The following SYNE2 variants were observed in gnomAD, a reference collection of about 807,000 sequenced individuals.
SYNE2 encodes spectrin repeat containing nuclear envelope protein 2, also known as nesprin-2.
SYNE2 carries 431 observed loss-of-function variants against 856.3 expected under a neutral mutation model. The observed-to-expected ratio is 0.50, with a 90% CI of 0.47 to 0.55. The LOEUF (loss-of-function observed/expected upper bound fraction) is 0.55, where lower values mean the gene tolerates loss of function less well. Among genes scored for constraint, SYNE2 ranks in the 20% least tolerant of loss-of-function variants. The pLI is 0.00. For missense variants in SYNE2, 8,129 were observed against 8,023.2 expected (o/e 1.01, Z -0.50); for synonymous variants, 2,923 against 2,872.3 (o/e 1.02, Z -0.56).
At chr14:64,018,499 C>A (rs1023300715) in intron 34 of SYNE2, among the ~76,000 whole-genome samples, 7 of 152,190 alleles carry the variant, frequency 4.6e-5, no homozygotes, top group Non-Finnish European at 5.9e-5. Flanking sequence ...ACCTCGGCCT[C>A]CCAAAATGCT....
chr14:64,063,915 T>C (rs1404641295), intron 50 of SYNE2, among the ~76,000 whole-genome samples: 1 of 152,212 alleles, frequency 6.6e-6, no homozygotes, highest in Non-Finnish European at 1.5e-5. Flanking sequence ...ATATAATTTT[T>C]TTCCTGTACA....
At chr14:63,948,822 A>ATATATATT (rs1266397695) in intron 6 of SYNE2, among the ~76,000 whole-genome samples, 1 of 128,016 alleles carries the variant, frequency 7.8e-6, no homozygotes, top group Non-Finnish European at 1.6e-5. Flanking sequence ...ATATATATAT[A>ATATATATT]TGTAGCTTAA....
chr14:64,079,451 G>A (rs940501782), intron 55 of SYNE2, among the ~76,000 whole-genome samples: 1 of 152,158 alleles, frequency 6.6e-6, no homozygotes, highest in Admixed American at 6.5e-5. Flanking sequence ...TCAGAGTATG[G>A]CTCACTATTG....
intron 1 of SYNE2, among the ~76,000 whole-genome samples, chr14:63,803,328 G>C (rs572556002): frequency 6.6e-6 from 1 of 152,192 alleles, no homozygotes; most frequent in Non-Finnish European, 1.5e-5. Flanking sequence ...GGTGCTAGTC[G>C]GGGAGGCTCG....
intron 41 of SYNE2, 42 bp downstream of exon 41, chr14:64,025,463 C>G (rs1209174784): frequency 6.3e-6 from 10 of 1,580,828 alleles, no homozygotes; most frequent in South Asian, 1.1e-5. Context: ...TGAGTGAACT[C>G]TAGTTTTGAA....
chr14:64,085,264 T>C (rs1487995141), intron 57 of SYNE2, among the ~76,000 whole-genome samples: 15 of 152,186 alleles, frequency 9.9e-5, no homozygotes. Flanking sequence ...CAAAAAGGTT[T>C]CACTTTGTTG....
intron 45 of SYNE2, among the ~76,000 whole-genome samples, chr14:64,044,782 T>C (rs1461015343): frequency 6.6e-6 from 1 of 152,200 alleles, no homozygotes; most frequent in Non-Finnish European, 1.5e-5. Flanking sequence ...CCGCCATTCA[T>C]GTAAGATATG....
chr14:64,088,718 G>T (rs571687675), intron 58 of SYNE2, among the ~76,000 whole-genome samples: 27 of 152,248 alleles, frequency 1.8e-4, no homozygotes, highest in African/African-American at 5.8e-4. Flanking sequence ...TTTTATTTTG[G>T]CTTGAAACAT....
intron 48 of SYNE2, among the ~76,000 whole-genome samples, chr14:64,054,602 A>G (rs1316593961): frequency 1.3e-5 from 2 of 152,134 alleles, no homozygotes; most frequent in Non-Finnish European, 2.9e-5. Flanking sequence ...ATATAGCCAT[A>G]CCCATTTGTT....
chr14:64,140,381 G>A (rs1423159471), intron 80 of SYNE2, among the ~76,000 whole-genome samples: 1 of 152,108 alleles, frequency 6.6e-6, no homozygotes, highest in Admixed American at 6.5e-5. Context: ...TCGGGATTTC[G>A]ATACCAGCCT....
Position 64,017,671 on chromosome 14 carries a change from A to C in SYNE2, c.4964A>C (p.Lys1655Thr), listed in dbSNP as rs1594893225. Residue 1655 changes from lysine (K) to threonine (T), a missense_variant, in exon 34 of 116, where the codon AAA (lysine) becomes ACA (threonine). Physicochemically the swap from Lys to Thr is moderately conservative, Grantham distance 78. Transcript: ENST00000555002. ...TTGTGGGACAAACTTTTTAACTTAA[A>C]AAATGTCATTGATGAGTGGACAGAA... ...LALWDKLFNL[K>T]NVIDEWTEKA... The C allele has an allele frequency of 6.2e-7, 1 of 1,613,752 alleles. No homozygotes were observed. Among genetic ancestry groups the C allele is most frequent in the Admixed American group, 1.7e-5 (1 of 60,022 alleles).
At chr14:63,909,303 G>A in intron 2 of SYNE2, 76 bp downstream of exon 2, 1 of 960,210 alleles carries the variant, frequency 1.0e-6, no homozygotes, top group Non-Finnish European at 1.7e-6. Context: ...AAGTCACACT[G>A]ATTTTCGTCT....
chr14:64,150,658 A>C (rs1394976964), intron 84 of SYNE2, among the ~76,000 whole-genome samples: 1 of 152,188 alleles, frequency 6.6e-6, no homozygotes, highest in Non-Finnish European at 1.5e-5. Context: ...TTAGTAAATA[A>C]GTGTTTTTAG....
At chr14:64,218,580 C>A in intron 109 of SYNE2, 68 bp downstream of exon 109, 1 of 1,448,128 alleles carries the variant, frequency 6.9e-7, no homozygotes, top group Non-Finnish European at 9.6e-7. Flanking sequence ...CTCAAGAGAA[C>A]ATTCATTAGA....
In SYNE2 at chr14:63,876,308, T is replaced by C. The variant is rs577562104; in HGVS notation, c.-52+23165T>C. On this transcript the variant is annotated intron_variant, in intron 1 of 115. Coordinates refer to ENST00000555002, the MANE Select transcript of SYNE2 (RefSeq NM_182914.3). ...GGCACACGCCTGTAATTCCAGCTACTTGGGAGGCTGAGGTGGAGCCAGAAG... is the reference window on the plus strand; with the variant it reads ...GGCACACGCCTGTAATTCCAGCTACCTGGGAGGCTGAGGTGGAGCCAGAAG... 9.4e-4 allele frequency among the ~76,000 whole-genome samples: 142 copies of C among 151,364 alleles called. 2 individuals are homozygous for C. Among genetic ancestry groups the C allele is most frequent in the African/African-American group, 3.0e-3 (124 of 41,232 alleles).
At chr14:63,908,777 A>G (rs886822094) in intron 1 of SYNE2, among the ~76,000 whole-genome samples, 1 of 152,180 alleles carries the variant, frequency 6.6e-6, no homozygotes, top group African/African-American at 2.4e-5. Flanking sequence ...GTTTGTGTCA[A>G]CTTTCCTTCC....
At chr14:64,185,591 T>C (rs2098485380) in intron 96 of SYNE2, among the ~76,000 whole-genome samples, 1 of 148,430 alleles carries the variant, frequency 6.7e-6, no homozygotes, top group Non-Finnish European at 1.5e-5. Context: ...TGCGATCTTG[T>C]CTCACTGCAA....
intron 87 of SYNE2, among the ~76,000 whole-genome samples, chr14:64,161,623 C>T (rs1376114277): frequency 6.6e-6 from 1 of 151,286 alleles, no homozygotes; most frequent in Non-Finnish European, 1.5e-5. Context: ...CCATGGCTCA[C>T]ACCTATAATC....
rs190997224 is a variant in SYNE2, at chr14:64,204,421, T to C, written c.18201+1458T>C. 5 of 152,342 alleles carry C rather than the reference T, an allele frequency of 3.3e-5. No homozygotes were observed. The East Asian group carries it at 9.6e-4, about 29-fold the overall frequency. 9.4% of individuals were successfully genotyped at this position (152,342 alleles called of 1,614,324 possible). On this transcript the variant is annotated intron_variant, in intron 100 of 115. Coordinates refer to ENST00000555002, the MANE Select transcript of SYNE2 (RefSeq NM_182914.3). Reference sequence around the variant, plus strand: ...TTTTTCAGGTAGATTATATGGAAGCTGTCAGTATCTTTCCCCTTAAAGAAT... The same window carrying C: ...TTTTTCAGGTAGATTATATGGAAGCCGTCAGTATCTTTCCCCTTAAAGAAT...
Sources: gnomAD v4.1 joint callset for allele counts (sites outside exome capture counted in the v4.1 genomes callset) on GRCh38, gnomAD v4.1.1 for gene constraint, MANE v1.5 for transcripts, NCBI Gene and HGNC (gene_info 2026-07-23, HGNC 2026-07-21) for gene names.